PLSCR4: variants seen among roughly 807,000 people sequenced by gnomAD.
PLSCR4 encodes Ca(2+)-dependent phospholipid scramblase 4.
In PLSCR4, 25 loss-of-function variants were observed where a neutral mutation model predicts 36.3. The ratio of observed to expected loss-of-function variants is 0.69; its 90% confidence interval spans 0.50 to 0.96. The LOEUF is 0.96. Ranked by LOEUF, PLSCR4 falls within the 40% of genes least tolerant of loss-of-function variation. The pLI, the probability that PLSCR4 is intolerant of heterozygous loss-of-function variation, is 0.00. For missense variants in PLSCR4, 408 were observed against 414.7 expected (o/e 0.98, Z 0.14); for synonymous variants, 122 against 132.9 (o/e 0.92, Z 0.56).
Position 146,206,606 on chromosome 3 carries a change from T to C in PLSCR4, c.274A>G (p.Asn92Asp). The C allele has an allele frequency of 6.2e-7, 1 of 1,613,592 alleles. No individual in the cohort carries two copies. The highest frequency in any genetic ancestry group is 8.5e-7 in the Non-Finnish European group (1 of 1,179,694). ...RYQPGKYPMPNQSVPITWMPG... is the reference protein window; with the variant it reads ...RYQPGKYPMPDQSVPITWMPG... ...ATCCATGTTATTGGAACAGACTGATTTGGCATAGGATATTTGCCAGGCTGA... is the reference window on the plus strand; with the variant it reads ...ATCCATGTTATTGGAACAGACTGATCTGGCATAGGATATTTGCCAGGCTGA... The change falls in exon 4 of 9, where the codon AAT becomes GAT. Residue 92 changes from asparagine to aspartate, a missense_variant. Asn to Asp is a conservative substitution (Grantham distance 23). Coordinates refer to ENST00000354952, the MANE Select transcript of PLSCR4 (RefSeq NM_020353.3).
At chr3:146,219,977 C>G (rs767101879) in intron 3 of PLSCR4, among the ~76,000 whole-genome samples, 2 of 151,994 alleles carry the variant, frequency 1.3e-5, no homozygotes, top group Admixed American at 6.6e-5. Context: ...GTGCCATTAT[C>G]TTGTACATAG....
chr3:146,240,018 AAAAT>A (rs1332271532), intron 1 of PLSCR4, among the ~76,000 whole-genome samples: 7 of 152,216 alleles, frequency 4.6e-5, no homozygotes, highest in Non-Finnish European at 7.3e-5. Flanking sequence ...AAAAGCAACA[AAAAT>A]AAATAAATAA....
chr3:146,235,963 T>G (rs889530737), intron 1 of PLSCR4, among the ~76,000 whole-genome samples: 2 of 152,156 alleles, frequency 1.3e-5, no homozygotes, highest in South Asian at 4.1e-4. Flanking sequence ...AACATCAAGA[T>G]GTGGCCTGGC....
At chr3:146,242,053 G>A (rs1356767691) in intron 1 of PLSCR4, among the ~76,000 whole-genome samples, 1 of 152,180 alleles carries the variant, frequency 6.6e-6, no homozygotes, top group African/African-American at 2.4e-5. Context: ...CCAATCACGG[G>A]CTGTCAACTG....
intron 5 of PLSCR4, among the ~76,000 whole-genome samples, chr3:146,200,706 G>A (rs551995735): frequency 6.6e-6 from 1 of 152,102 alleles, no homozygotes; most frequent in East Asian, 1.9e-4. Flanking sequence ...TGGTGTCCCT[G>A]GCTAACTCAT....
Position 146,194,340 on chromosome 3 carries a change from G to T in PLSCR4, c.*71C>A. The T allele has an allele frequency of 2.0e-6, 2 of 978,474 alleles. No individual in the cohort carries two copies. Among genetic ancestry groups the T allele is most frequent in the Non-Finnish European group, 1.7e-6 (1 of 605,788 alleles). 60.6% of individuals were successfully genotyped at this position (978,474 alleles called of 1,614,324 possible). On this transcript the variant is annotated 3_prime_UTR_variant, in exon 9 of 9. Transcript: ENST00000354952. ...GAAATACACTTGCAAATAACTGAGT[G>T]CTGACTGTAAGCCCAATCCAACTTT...
chr3:146,204,009 C>T (rs936936203), intron 4 of PLSCR4, among the ~76,000 whole-genome samples: 2 of 151,952 alleles, frequency 1.3e-5, no homozygotes, highest in African/African-American at 4.8e-5. Context: ...TTCTTATTTA[C>T]AGTGAGAGAT....
In PLSCR4 at chr3:146,194,153, AC is replaced by A; in HGVS notation, c.*257del. On this transcript the variant is annotated 3_prime_UTR_variant, in exon 9 of 9. Coordinates refer to ENST00000354952, the MANE Select transcript of PLSCR4 (RefSeq NM_020353.3). ...CTCATGTTTATAGTGTTTTAAGCTT[AC>A]TTTGTATATGTTTACTGGGTTAATG... The A allele has an allele frequency of 2.5e-6, 1 of 400,966 alleles. No individual in the cohort carries two copies. Among genetic ancestry groups the A allele is most frequent in the South Asian group, 5.7e-5 (1 of 17,640 alleles). The allele number at this position is 400,966 out of a possible 1,614,324, so 24.8% of individuals were successfully genotyped here.
chr3:146,217,062 A>G (rs1392699219), intron 3 of PLSCR4, among the ~76,000 whole-genome samples: 5 of 152,180 alleles, frequency 3.3e-5, no homozygotes, highest in African/African-American at 1.2e-4. Context: ...CATTTCAAGG[A>G]CCAGCTTCTG....
chr3:146,221,705 C>A (rs2035149959), intron 2 of PLSCR4, among the ~76,000 whole-genome samples: 1 of 152,188 alleles, frequency 6.6e-6, no homozygotes, highest in Non-Finnish European at 1.5e-5. Flanking sequence ...CTTTCATCCT[C>A]CTCTACCAAG....
intron 1 of PLSCR4, among the ~76,000 whole-genome samples, chr3:146,238,930 C>T (rs1461127405): frequency 6.6e-6 from 1 of 151,912 alleles, no homozygotes; most frequent in Non-Finnish European, 1.5e-5. Flanking sequence ...GATACAAGAC[C>T]ATTATACAAA....
At chr3:146,246,603 A>G (rs549732147) in intron 1 of PLSCR4, among the ~76,000 whole-genome samples, 1 of 152,222 alleles carries the variant, frequency 6.6e-6, no homozygotes, top group East Asian at 1.9e-4. Context: ...TATTTAGAGT[A>G]GAAAAATATC....
chr3:146,206,918 C>T (rs2034366155), intron 3 of PLSCR4, among the ~76,000 whole-genome samples, 157 bp from the exon 4 acceptor site: 1 of 151,926 alleles, frequency 6.6e-6, no homozygotes, highest in African/African-American at 2.4e-5. Flanking sequence ...TGCATATGAC[C>T]CAACGATGTA....
At chr3:146,232,083 G>GT (rs1473702500) in intron 1 of PLSCR4, among the ~76,000 whole-genome samples, 1 of 152,176 alleles carries the variant, frequency 6.6e-6, no homozygotes, top group African/African-American at 2.4e-5. Context: ...TGGCTAGCCA[G>GT]TTATCCCTGC....
At chr3:146,196,579 C>A in intron 7 of PLSCR4, 53 bp downstream of exon 7, 1 of 1,538,972 alleles carries the variant, frequency 6.5e-7, no homozygotes, top group South Asian at 1.1e-5. Context: ...TTTCCATGGT[C>A]TGTTAATATG....
intron 3 of PLSCR4, among the ~76,000 whole-genome samples, chr3:146,210,844 T>C (rs967999288): frequency 1.6e-5 from 2 of 125,812 alleles, no homozygotes; most frequent in Non-Finnish European, 3.7e-5. Context: ...GGCCTTTATG[T>C]CTGTTTTTTT....
At chr3:146,205,904 C>G (rs973653505) in intron 4 of PLSCR4, among the ~76,000 whole-genome samples, 3 of 152,024 alleles carry the variant, frequency 2.0e-5, no homozygotes, top group African/African-American at 7.2e-5. Context: ...TATTTGTGCA[C>G]AAACTTCCCA....
chr3:146,245,289 T>C (rs2036293875), intron 1 of PLSCR4, among the ~76,000 whole-genome samples: 1 of 152,050 alleles, frequency 6.6e-6, no homozygotes, highest in Admixed American at 6.6e-5. Flanking sequence ...CCCATTCAGA[T>C]AAAAACCTAT....
chr3:146,242,086 C>A (rs757508447), intron 1 of PLSCR4, among the ~76,000 whole-genome samples: 1 of 152,166 alleles, frequency 6.6e-6, no homozygotes, highest in Admixed American at 6.5e-5. Context: ...CCGTTGAAGG[C>A]AAATGCCTCA....
Sources: gnomAD v4.1 joint callset for allele counts (sites outside exome capture counted in the v4.1 genomes callset) on GRCh38, gnomAD v4.1.1 for gene constraint, MANE v1.5 for transcripts, NCBI Gene and HGNC (gene_info 2026-07-23, HGNC 2026-07-21) for gene names.